THSD4: variants seen among roughly 807,000 people sequenced by gnomAD.
THSD4 encodes thrombospondin type-1 domain-containing protein 4.
THSD4 carries 69 observed loss-of-function variants against 119.0 expected under a neutral mutation model. That is an observed-to-expected ratio of 0.58 (90% CI 0.48 to 0.71). The LOEUF (loss-of-function observed/expected upper bound fraction) is 0.71, where lower values mean the gene tolerates loss of function less well. THSD4 is among the 30% of genes least tolerant of loss of function. THSD4 has a pLI of 0.00. For synonymous variants in THSD4, 524 were observed against 540.4 expected, an observed-to-expected ratio of 0.97 and a Z score of 0.42; for missense variants, 1,393 against 1,391.1, an observed-to-expected ratio of 1.00 and a Z score of -0.02.
intron 7 of THSD4, among the ~76,000 whole-genome samples, chr15:71,463,067 G>T (rs2047448903): frequency 6.6e-6 from 1 of 152,192 alleles, no homozygotes; most frequent in African/African-American, 2.4e-5. Flanking sequence ...ATTGTTGTCA[G>T]TTGAGGATGT....
chr15:71,410,944 A>C (rs1190916834), intron 6 of THSD4, among the ~76,000 whole-genome samples: 1 of 152,156 alleles, frequency 6.6e-6, no homozygotes, highest in Non-Finnish European at 1.5e-5. Flanking sequence ...GCTACTTGGG[A>C]GGCTGAGGCA....
rs78947124 is a variant in THSD4, at chr15:71,620,057, G to A, written c.1153-40473G>A. Among the ~76,000 whole-genome samples, 545 of 152,294 alleles carry A rather than the reference G, an allele frequency of 3.6e-3. 4 individuals carry two copies. The highest frequency in any genetic ancestry group is 6.0e-3 in the Non-Finnish European group (405 of 68,020). On this transcript the variant is annotated intron_variant, in intron 7 of 17. Transcript: ENST00000261862. ...GTTCTGCAAGTTGTAATGATGTGTG[G>A]TTTAAAGGCCTTTGAGAGTCCTAAG...
At chr15:71,645,189 C>T (rs2050944420) in intron 7 of THSD4, among the ~76,000 whole-genome samples, 1 of 152,024 alleles carries the variant, frequency 6.6e-6, no homozygotes, top group Non-Finnish European at 1.5e-5. Flanking sequence ...GGTGTATTAG[C>T]CTGTTTTCAT....
In THSD4 at chr15:71,765,021, G is replaced by T; in HGVS notation, c.2591G>T (p.Cys864Phe). 1.2e-6 allele frequency: 2 copies of T among 1,613,422 alleles called. No homozygotes were observed. Among genetic ancestry groups the T allele is most frequent in the Non-Finnish European group, 1.7e-6 (2 of 1,179,628 alleles). ...ATCTTTTTCTGCTTCTTTCTGCAGT[G>T]TTCCATCGAGTGTGGGAGCGGGACG... is the stretch of plus-strand genomic sequence containing the variant. ...VEWFAGSWSQ[C>F]SIECGSGTQQ... The change falls in exon 16 of 18, where the codon TGT becomes TTT. Residue 864 changes from cysteine to phenylalanine, a missense_variant and splice_region_variant. Physicochemically the swap from Cys to Phe is radical, Grantham distance 205. Transcript: ENST00000261862.
chr15:71,172,215 C>T (rs922356440), intron 3 of THSD4: 6 of 151,986 alleles, frequency 3.9e-5, no homozygotes, highest in African/African-American at 1.5e-4. Flanking sequence ...ATCCCAGCTA[C>T]TTAGTAGGCT....
chr15:71,492,473 G>C (rs774952997), intron 7 of THSD4, among the ~76,000 whole-genome samples: 44 of 151,958 alleles, frequency 2.9e-4, no homozygotes, highest in Non-Finnish European at 5.7e-4. Context: ...TTAATAGAGG[G>C]GGGGAGTTTC....
chr15:71,584,722 A>G (rs1260304946), intron 7 of THSD4, among the ~76,000 whole-genome samples: 3 of 152,192 alleles, frequency 2.0e-5, no homozygotes, highest in Non-Finnish European at 2.9e-5. Context: ...ATAATTATTG[A>G]TAGTTAAGAA....
intron 1 of THSD4, among the ~76,000 whole-genome samples, chr15:71,136,277 CT>C (rs1454933536): frequency 6.6e-6 from 1 of 152,064 alleles, no homozygotes. Context: ...CGTCCTGATG[CT>C]TTTATCCACC....
intron 8 of THSD4, among the ~76,000 whole-genome samples, chr15:71,687,298 T>G (rs946651806): frequency 6.6e-6 from 1 of 152,198 alleles, no homozygotes; most frequent in African/African-American, 2.4e-5. Context: ...TATGAAAAAT[T>G]ATGCTATAAT....
chr15:71,659,300 A>G (rs990921003), intron 7 of THSD4, among the ~76,000 whole-genome samples: 1 of 152,240 alleles, frequency 6.6e-6, no homozygotes, highest in Admixed American at 6.5e-5. Flanking sequence ...TTCTTTGTTC[A>G]GAACATGAGT....
intron 3 of THSD4, among the ~76,000 whole-genome samples, chr15:71,158,476 TTGA>T (rs2043222655): frequency 6.6e-6 from 1 of 152,182 alleles, no homozygotes; most frequent in Non-Finnish European, 1.5e-5. Flanking sequence ...TTTTGTCATT[TTGA>T]TGATAGCTGT....
At chr15:71,452,759 G>A (rs918130603) in intron 7 of THSD4, among the ~76,000 whole-genome samples, 3 of 152,182 alleles carry the variant, frequency 2.0e-5, no homozygotes, top group South Asian at 2.1e-4. Flanking sequence ...GGGATTACAG[G>A]TGCCGCCACC....
chr15:71,353,509 G>A (rs962256317), intron 6 of THSD4, among the ~76,000 whole-genome samples: 6 of 152,140 alleles, frequency 3.9e-5, no homozygotes, highest in African/African-American at 1.4e-4. Context: ...AGTCTTTATA[G>A]GATAAGTTCT....
chr15:71,426,200 G>A (rs1566978359), intron 7 of THSD4, among the ~76,000 whole-genome samples: 1 of 152,162 alleles, frequency 6.6e-6, no homozygotes, highest in Non-Finnish European at 1.5e-5. Context: ...CCCCAGCTGG[G>A]ACACCACTTG....
intron 7 of THSD4, among the ~76,000 whole-genome samples, chr15:71,657,355 C>T (rs1182873828): frequency 1.3e-5 from 2 of 152,194 alleles, no homozygotes; most frequent in East Asian, 1.9e-4. Flanking sequence ...CCCAGCCATG[C>T]CCTCCTAGAC....
intron 8 of THSD4, among the ~76,000 whole-genome samples, chr15:71,681,754 A>G (rs1251108066): frequency 6.6e-6 from 1 of 151,684 alleles, no homozygotes; most frequent in Non-Finnish European, 1.5e-5. Flanking sequence ...GCACCGTTTG[A>G]GTTGTATCCA....
At chr15:71,633,422 C>T (rs946670485) in intron 7 of THSD4, among the ~76,000 whole-genome samples, 2 of 152,002 alleles carry the variant, frequency 1.3e-5, no homozygotes, top group African/African-American at 4.8e-5. Flanking sequence ...ACCACAGGCA[C>T]ATGCCGCCAT....
chr15:71,388,718 TTGTA>T (rs1230320710), intron 6 of THSD4, among the ~76,000 whole-genome samples: 1 of 150,198 alleles, frequency 6.7e-6, no homozygotes, highest in African/African-American at 2.5e-5. Flanking sequence ...CTTTGGATGT[TTGTA>T]TGGACTCAGG....
intron 7 of THSD4, among the ~76,000 whole-genome samples, chr15:71,608,241 T>TACACACACACACAC (rs754808213): frequency 6.2e-5 from 5 of 80,396 alleles, no homozygotes; most frequent in African/African-American, 1.2e-4. Context: ...AAAAAAAATA[T>TACACACACACACAC]ATATATATAC....
Sources: gnomAD v4.1 joint callset for allele counts (sites outside exome capture counted in the v4.1 genomes callset) on GRCh38, gnomAD v4.1.1 for gene constraint, MANE v1.5 for transcripts, NCBI Gene and HGNC (gene_info 2026-07-23, HGNC 2026-07-21) for gene names.